STK32B: variants seen among roughly 807,000 people sequenced by gnomAD.
STK32B encodes serine/threonine kinase 32B.
STK32B carries 43 observed loss-of-function variants against 52.6 expected under a neutral mutation model. That is an observed-to-expected ratio of 0.82 (90% CI 0.64 to 1.05). The LOEUF (loss-of-function observed/expected upper bound fraction) is 1.05, where lower values mean the gene tolerates loss of function less well. STK32B is among the 50% of genes least tolerant of loss of function. The pLI is 0.00. For synonymous variants in STK32B, 238 were observed against 204.3 expected (o/e 1.17, Z -1.41); for missense variants, 621 against 534.6 (o/e 1.16, Z -1.59).
the STK32B span, among the ~76,000 whole-genome samples, chr4:5,023,839 G>A: frequency 6.6e-6 from 1 of 152,144 alleles, no homozygotes; most frequent in Non-Finnish European, 1.5e-5. Context: ...CACAAACCCT[G>A]CTGTGTGTCC....
In STK32B at chr4:5,468,038, C is replaced by G; in HGVS notation, c.1074C>G (p.Val358=). The G allele has an allele frequency of 6.2e-7, 1 of 1,614,102 alleles. No individual in the cohort carries two copies. Among genetic ancestry groups the G allele is most frequent in the Non-Finnish European group, 8.5e-7 (1 of 1,179,994 alleles). ...NGHLQHCLET[V]REEFIIFNRE... is the part of the protein sequence containing the mutation. ...ACCTGCAGCACTGTTTGGAGACTGTCCGGGAGGAATTCATCATATTCAACA... is the reference window on the plus strand; with the variant it reads ...ACCTGCAGCACTGTTTGGAGACTGTGCGGGAGGAATTCATCATATTCAACA... The change falls in exon 11 of 12, where the codon GTC becomes GTG. Residue 358 remains valine, a synonymous_variant. Transcript: ENST00000282908.
intron 3 of STK32B, among the ~76,000 whole-genome samples, chr4:5,323,296 C>T (rs1354259672): frequency 2.6e-5 from 4 of 152,012 alleles, no homozygotes; most frequent in African/African-American, 2.4e-5. Context: ...ACCTGCAAGT[C>T]CCCCTCCACC....
chr4:5,493,157 C>G (rs955998554), intron 11 of STK32B, among the ~76,000 whole-genome samples: 2 of 151,820 alleles, frequency 1.3e-5, no homozygotes, highest in Non-Finnish European at 2.9e-5. Flanking sequence ...AGGAATGGTA[C>G]TAGTTCCTCC....
intron 3 of STK32B, among the ~76,000 whole-genome samples, chr4:5,241,501 T>C (rs1018135411): frequency 2.6e-5 from 4 of 152,148 alleles, no homozygotes; most frequent in South Asian, 4.1e-4. Flanking sequence ...GTGGAATCCA[T>C]TGGAATTCCA....
At chr4:5,446,617 G>A (rs200074411) in intron 6 of STK32B, 56 bp from the exon 7 acceptor site, 1 of 1,489,538 alleles carries the variant, frequency 6.7e-7, no homozygotes, top group Non-Finnish European at 9.4e-7. Flanking sequence ...TCTCTAAGGG[G>A]TGGTGGCCAT....
At position 5,231,381 on chromosome 4, in the gene STK32B, C is replaced by T. The variant is rs530939397; in HGVS notation, c.260+62931C>T. Among the ~76,000 whole-genome samples the T allele has an allele frequency of 7.9e-5, 12 of 152,206 alleles. No homozygotes were observed. The South Asian group carries it at 1.5e-3, about 18-fold the overall frequency. ...ATCTCATCACTCTGGGAGGCTGAGG[C>T]GGAAAGATCGCTTGAGGCCAGGAGT... is the stretch of plus-strand genomic sequence containing the variant. On this transcript the variant is annotated intron_variant, in intron 3 of 11. Coordinates refer to ENST00000282908, the MANE Select transcript of STK32B (RefSeq NM_018401.3).
chr4:5,051,228 A>G (rs1741759618), upstream of STK32B, among the ~76,000 whole-genome samples: 1 of 152,102 alleles, frequency 6.6e-6, no homozygotes, highest in African/African-American at 2.4e-5. Context: ...GCGCTCTAAA[A>G]TATGAACGAT....
At chr4:5,129,345 C>A (rs1577088227) in intron 1 of STK32B, among the ~76,000 whole-genome samples, 1 of 152,216 alleles carries the variant, frequency 6.6e-6, no homozygotes, top group East Asian at 1.9e-4. Context: ...AAGCTGTTTT[C>A]TTCCCTCCAC....
intron 4 of STK32B, among the ~76,000 whole-genome samples, chr4:5,351,089 A>G (rs1733793906): frequency 6.6e-6 from 1 of 152,058 alleles, no homozygotes; most frequent in Non-Finnish European, 1.5e-5. Context: ...AACAACAACA[A>G]CAACCACGAA....
At chr4:5,215,395 A>G (rs1723125237) in intron 3 of STK32B, among the ~76,000 whole-genome samples, 1 of 152,156 alleles carries the variant, frequency 6.6e-6, no homozygotes, top group African/African-American at 2.4e-5. Flanking sequence ...TTCCAACATC[A>G]TTTTGCCTCC....
At chr4:5,358,701 G>GCGCGCGCACACACACACACA (rs151338728) in intron 4 of STK32B, among the ~76,000 whole-genome samples, 8 of 106,736 alleles carry the variant, frequency 7.5e-5, no homozygotes, top group African/African-American at 3.3e-4. Context: ...TCACACACAT[G>GCGCGCGCACACACACACACA]CACACACACA....
chr4:5,448,264 T>C (rs1378841784), intron 7 of STK32B, among the ~76,000 whole-genome samples: 2 of 152,246 alleles, frequency 1.3e-5, no homozygotes, highest in South Asian at 4.1e-4. Context: ...AAAGAATTAA[T>C]GTCCCGCAGA....
chr4:5,155,395 C>T (rs549344454), intron 2 of STK32B, among the ~76,000 whole-genome samples: 75 of 152,316 alleles, frequency 4.9e-4, no homozygotes, highest in Non-Finnish European at 7.5e-4. Flanking sequence ...TCCTCTTGTT[C>T]GCTGTTTTAT....
At chr4:5,403,768 G>A (rs1474508528) in intron 5 of STK32B, among the ~76,000 whole-genome samples, 1 of 152,082 alleles carries the variant, frequency 6.6e-6, no homozygotes, top group Non-Finnish European at 1.5e-5. Context: ...GAGACTCCAG[G>A]AAATTAAAAA....
At chr4:5,025,101 G>A in the STK32B span, among the ~76,000 whole-genome samples, 5 of 151,074 alleles carry the variant, frequency 3.3e-5, no homozygotes, top group African/African-American at 7.4e-5. Context: ...AGAGACCTCC[G>A]AGTATGGGAG....
At chr4:5,257,420 T>A (rs781605119) in intron 3 of STK32B, among the ~76,000 whole-genome samples, 34 of 152,296 alleles carry the variant, frequency 2.2e-4, no homozygotes, top group Non-Finnish European at 3.8e-4. Context: ...AGTGAGTGAA[T>A]GAGTGAGTGA....
At chr4:5,387,736 T>G (rs1289184184) in intron 4 of STK32B, among the ~76,000 whole-genome samples, 1 of 152,030 alleles carries the variant, frequency 6.6e-6, no homozygotes, top group South Asian at 2.1e-4. Context: ...TGCCACTGTT[T>G]TGTTTTTTTA....
At chr4:5,478,694 ACG>A (rs1718426600) in intron 11 of STK32B, among the ~76,000 whole-genome samples, 1 of 152,172 alleles carries the variant, frequency 6.6e-6, no homozygotes, top group South Asian at 2.1e-4. Context: ...GTGGGTAGAG[ACG>A]CCACAGAGGC....
intron 11 of STK32B, among the ~76,000 whole-genome samples, chr4:5,475,203 C>T (rs899870341): frequency 1.3e-5 from 2 of 151,944 alleles, no homozygotes; most frequent in East Asian, 1.9e-4. Context: ...TGGCGAATCA[C>T]GAGGTCAGGA....
Sources: allele counts gnomAD v4.1 joint callset (sites outside exome capture counted in the v4.1 genomes callset), GRCh38; gene constraint gnomAD v4.1.1; transcripts MANE v1.5; gene names NCBI Gene and HGNC (gene_info 2026-07-23, HGNC 2026-07-21).